PKHD1L1: variants seen among roughly 807,000 people sequenced by gnomAD.
PKHD1L1 encodes PKHD1 like 1.
Under a neutral mutation model 462.9 loss-of-function variants are expected in PKHD1L1, and 434 were observed. The observed-to-expected ratio is 0.94, with a 90% CI of 0.87 to 1.02. PKHD1L1 has a LOEUF of 1.02. Ranked by LOEUF, PKHD1L1 falls within the 50% of genes least tolerant of loss-of-function variation. The pLI, the probability that PKHD1L1 is intolerant of heterozygous loss-of-function variation, is 0.00. For missense variants in PKHD1L1, 5,202 were observed against 5,096.1 expected, an observed-to-expected ratio of 1.02 and a Z score of -0.63; for synonymous variants, 1,781 against 1,750.0, an observed-to-expected ratio of 1.02 and a Z score of -0.44.
chr8:109,505,078 C>A (rs1819624293), intron 68 of PKHD1L1, among the ~76,000 whole-genome samples: 1 of 151,940 alleles, frequency 6.6e-6, no homozygotes, highest in Admixed American at 6.6e-5. Flanking sequence ...TTTGTAGAGA[C>A]AGGGTCTTTC....
chr8:109,527,143 C>T, intron 77 of PKHD1L1, 123 bp downstream of exon 77: 1 of 822,454 alleles, frequency 1.2e-6, no homozygotes, highest in Middle Eastern at 2.6e-4. Context: ...AAAGTAACAG[C>T]CTCAATAGCA....
chr8:109,474,052 A>C (rs1486146870), intron 50 of PKHD1L1, among the ~76,000 whole-genome samples: 1 of 152,164 alleles, frequency 6.6e-6, no homozygotes, highest in Non-Finnish European at 1.5e-5. Context: ...CCAACTAGTC[A>C]CAGTTCTTTT....
chr8:109,393,688 T>C (rs1812814674), intron 9 of PKHD1L1, among the ~76,000 whole-genome samples: 1 of 152,262 alleles, frequency 6.6e-6, no homozygotes, highest in South Asian at 2.1e-4. Flanking sequence ...GTTAATTCTC[T>C]GAAATTTATC....
chr8:109,370,087 G>A (rs896653117), intron 2 of PKHD1L1, among the ~76,000 whole-genome samples: 10 of 152,134 alleles, frequency 6.6e-5, no homozygotes, highest in South Asian at 6.2e-4. Flanking sequence ...TTCGAATCCC[G>A]GCTACCCACT....
intron 59 of PKHD1L1, among the ~76,000 whole-genome samples, chr8:109,489,509 AG>A (rs1461710778): frequency 2.0e-5 from 3 of 152,016 alleles, no homozygotes; most frequent in African/African-American, 7.2e-5. Context: ...AGATTATAAA[AG>A]GTAATGCCCT....
intron 39 of PKHD1L1, 73 bp from the exon 40 acceptor site, chr8:109,449,265 G>T: frequency 1.5e-6 from 2 of 1,374,976 alleles, no homozygotes; most frequent in South Asian, 1.7e-5. Context: ...TTAAAATAAA[G>T]GTAAAAAATA....
chr8:109,464,242 G>GT lies in PKHD1L1; in HGVS notation c.7412dup (p.Leu2471PhefsTer17). 6.2e-7 allele frequency: 1 copy of GT among 1,602,540 alleles called. No homozygotes were observed. Among genetic ancestry groups the GT allele is most frequent in the Non-Finnish European group, 8.5e-7 (1 of 1,170,966 alleles). Reference sequence around the variant, plus strand: ...TATTCCATGCTGGCCAGGCTTTCCGGTTGGGGCGATATCCAATACATTGGC... The same window carrying GT: ...TATTCCATGCTGGCCAGGCTTTCCGGTTTGGGGCGATATCCAATACATTGGC... On this transcript the variant is annotated frameshift_variant, in exon 49 of 78. Coordinates refer to ENST00000378402, the MANE Select transcript of PKHD1L1 (RefSeq NM_177531.6). LOFTEE classifies it high-confidence loss of function.
At chr8:109,461,953 T>G (rs1249142351) in intron 48 of PKHD1L1, 45 bp downstream of exon 48, 6 of 1,555,172 alleles carry the variant, frequency 3.9e-6, no homozygotes, top group Non-Finnish European at 5.2e-6. Flanking sequence ...CTCAAGGTTA[T>G]CCATACAAGA....
At chr8:109,403,198 A>G (rs1172088701) in intron 14 of PKHD1L1, among the ~76,000 whole-genome samples, 1 of 152,204 alleles carries the variant, frequency 6.6e-6, no homozygotes, top group Non-Finnish European at 1.5e-5. Flanking sequence ...AATGATGGCT[A>G]TGAAATCTGA....
intron 39 of PKHD1L1, 150 bp from the exon 40 acceptor site, chr8:109,449,188 A>T: frequency 3.2e-6 from 2 of 632,368 alleles, no homozygotes; most frequent in Non-Finnish European, 4.9e-6. Flanking sequence ...CAGTTGCATT[A>T]ATAGAATAAT....
intron 14 of PKHD1L1, 134 bp from the exon 15 acceptor site, chr8:109,404,420 A>C (rs1455289838): frequency 4.0e-5 from 20 of 498,298 alleles, no homozygotes; most frequent in Non-Finnish European, 5.7e-5. Context: ...TGAATATTTA[A>C]AATATGAGAT....
intron 8 of PKHD1L1, 48 bp from the exon 9 acceptor site, chr8:109,390,404 T>A (rs759657833): frequency 8.8e-7 from 1 of 1,134,038 alleles, no homozygotes; most frequent in South Asian, 1.9e-5. Flanking sequence ...GTTATTGTTC[T>A]TCTGTGACTG....
At chr8:109,434,620 C>T (rs1815294573) in intron 28 of PKHD1L1, among the ~76,000 whole-genome samples, 2 of 152,164 alleles carry the variant, frequency 1.3e-5, no homozygotes, top group South Asian at 2.1e-4. Context: ...AGGTGTCTGA[C>T]ACCACACCCA....
At chr8:109,458,482 G>C (rs2607638) in intron 46 of PKHD1L1, among the ~76,000 whole-genome samples, 76,298 of 151,946 alleles carry the variant, frequency 0.5, 19,447 homozygotes, top group South Asian at 0.68. Flanking sequence ...TTCAATGGGT[G>C]TCATGCCTAG....
chr8:109,457,449 A>G (rs1364811602), intron 46 of PKHD1L1, among the ~76,000 whole-genome samples: 1 of 152,154 alleles, frequency 6.6e-6, no homozygotes, highest in Admixed American at 6.6e-5. Context: ...AGGGCTATTT[A>G]GTTTTCAGAA....
In PKHD1L1 at chr8:109,526,993, G is replaced by A. The variant is rs1396439254; in HGVS notation, c.12694G>A (p.Ala4232Thr). The change falls in exon 77 of 78, where the codon GCA (alanine) becomes ACA (threonine). Residue 4232 changes from alanine to threonine, a missense_variant. By Grantham distance (58) the Ala-to-Thr change is moderately conservative (BLOSUM62 0). Around this residue, in one of 3 missense-constraint regions of PKHD1L1, gnomAD observed 698 missense variants for 736.3 expected, o/e 0.95. Coordinates refer to ENST00000378402, the MANE Select transcript of PKHD1L1 (RefSeq NM_177531.6). The stretch of plus-strand genomic sequence containing the variant: ...GTGGCTCTTGGAAATATTTATGGCT[G>A]CAGTTTCAACTTTGAATATAACTTT... Reference protein sequence around the residue: ...RMWLLEIFMAAVSTLNITLRS... With the variant: ...RMWLLEIFMATVSTLNITLRS... The A allele has an allele frequency of 6.2e-7, 1 of 1,612,316 alleles. No homozygotes were observed. The highest frequency in any genetic ancestry group is 8.5e-7 in the Non-Finnish European group (1 of 1,178,740).
chr8:109,429,348 T>C lies in PKHD1L1; in HGVS notation c.3009T>C (p.Asp1003=). ...ATTGTGTGTAAAAATAGATTAATGA[T>C]TCCAACATTATTGGAGAAAAGGCTA... The part of the protein sequence containing the change: ...CGKQNLLQIN[D]SNIIGEKANM... The change falls in exon 26 of 78, where the codon GAT becomes GAC. Residue 1003 remains aspartate (D), a synonymous_variant. Transcript: ENST00000378402. 6.6e-7 allele frequency: 1 copy of C among 1,514,482 alleles called. No homozygotes were observed. Among genetic ancestry groups the C allele is most frequent in the Non-Finnish European group, 9.0e-7 (1 of 1,106,606 alleles). The allele number at this position is 1,514,482 out of a possible 1,614,324, so 93.8% of individuals were successfully genotyped here.
intron 76 of PKHD1L1, among the ~76,000 whole-genome samples, chr8:109,525,609 C>G (rs1411285131): frequency 6.6e-6 from 1 of 152,140 alleles, no homozygotes; most frequent in Non-Finnish European, 1.5e-5. Context: ...TTCTTCAATT[C>G]TCCTCTATGT....
intron 40 of PKHD1L1, among the ~76,000 whole-genome samples, chr8:109,450,659 C>T (rs1260348194): frequency 6.6e-6 from 1 of 152,160 alleles, no homozygotes; most frequent in Non-Finnish European, 1.5e-5. Flanking sequence ...CAGTTCTTCC[C>T]TCCTTCCTGT....
Sources: allele counts gnomAD v4.1 joint callset (sites outside exome capture counted in the v4.1 genomes callset), GRCh38; gene constraint gnomAD v4.1.1; regional missense constraint gnomAD v4.1.1; transcripts MANE v1.5; gene names NCBI Gene and HGNC (gene_info 2026-07-23, HGNC 2026-07-21).